The following CACNA1C variants were observed in gnomAD, a reference collection of about 807,000 sequenced individuals.
CACNA1C encodes the protein voltage-dependent L-type calcium channel subunit alpha-1C.
In CACNA1C, 30 loss-of-function variants were observed where a neutral mutation model predicts 229.0. The observed-to-expected ratio is 0.13, with a 90% confidence interval of 0.10 to 0.18. The LOEUF is 0.18. Among genes scored for constraint, CACNA1C ranks in the 10% least tolerant of loss-of-function variants. The pLI is 1.00. For synonymous variants in CACNA1C, 1,114 were observed against 1,132.5 expected (o/e 0.98, Z 0.33); for missense variants, 1,658 against 2,845.0 (o/e 0.58, Z 9.49).
At chr12:2,126,540 G>A (rs2090137199) in intron 3 of CACNA1C, among the ~76,000 whole-genome samples, 1 of 152,220 alleles carries the variant, frequency 6.6e-6, no homozygotes, top group Non-Finnish European at 1.5e-5. Context: ...TTGACCTTGT[G>A]CAAAGAACAG....
intron 3 of CACNA1C, among the ~76,000 whole-genome samples, chr12:2,317,725 C>T (rs1160793814): frequency 6.6e-6 from 1 of 152,156 alleles, no homozygotes; most frequent in Non-Finnish European, 1.5e-5. Context: ...TATCTGAATC[C>T]AGATGAACAG....
At chr12:2,080,862 G>A (rs1311516930) in intron 1 of CACNA1C, among the ~76,000 whole-genome samples, 1 of 152,050 alleles carries the variant, frequency 6.6e-6, no homozygotes, top group African/African-American at 2.4e-5. Flanking sequence ...CATATATGAA[G>A]GAGCCATTGA....
chr12:2,655,303 G>A (rs2095355407), intron 34 of CACNA1C, 65 bp downstream of exon 34: 4 of 999,070 alleles, frequency 4.0e-6, no homozygotes, highest in African/African-American at 1.6e-5. Flanking sequence ...ACTGTGGCCT[G>A]GTGGTAGAAT....
chr12:2,379,724 G>A (rs562035047), intron 3 of CACNA1C, among the ~76,000 whole-genome samples: 6 of 152,126 alleles, frequency 3.9e-5, no homozygotes, highest in Non-Finnish European at 7.4e-5. Context: ...CCATGATGCG[G>A]GACATAATAA....
intron 4 of CACNA1C, among the ~76,000 whole-genome samples, chr12:2,456,711 G>A (rs914633581): frequency 1.3e-5 from 2 of 152,142 alleles, no homozygotes; most frequent in African/African-American, 4.8e-5. Context: ...TCTCAGGTGG[G>A]AAGGAAGGCG....
chr12:2,621,470 T>C (rs2153504900), intron 29 of CACNA1C, among the ~76,000 whole-genome samples: 1 of 152,250 alleles, frequency 6.6e-6, no homozygotes, highest in East Asian at 1.9e-4. Context: ...CCCTTCAGGA[T>C]CACGGTGAGG....
At position 2,115,423 on chromosome 12, in the gene CACNA1C, G is replaced by A; in HGVS notation, c.249G>A (p.Arg83=). Residue 83 remains arginine (R), a synonymous_variant, in exon 2 of 47, where the codon CGG becomes CGA. Transcript: ENST00000399655. ...ISTVSSTQRK[R]QQYGKPKKQG... ...CAGTCAGCTCCACGCAGCGGAAGCG[G>A]CAGCAATATGGGAAACCCAAGAAGC... The A allele has an allele frequency of 6.2e-7, 1 of 1,612,792 alleles. No individual in the cohort carries two copies. The highest frequency in any genetic ancestry group is 2.2e-5 in the East Asian group (1 of 44,882).
chr12:2,549,281 C>T (rs2099891242), intron 9 of CACNA1C, among the ~76,000 whole-genome samples: 1 of 152,142 alleles, frequency 6.6e-6, no homozygotes, highest in African/African-American at 2.4e-5. Flanking sequence ...CACAATTAAA[C>T]ATAATTGTGT....
chr12:2,020,228 T>G (rs2046198430), intron 1 of CACNA1C: 1 of 152,218 alleles, frequency 6.6e-6, no homozygotes, highest in Non-Finnish European at 1.5e-5. Context: ...GTGAAGCGCT[T>G]TGCTTGTATT....
At position 2,597,898 on chromosome 12, in the gene CACNA1C, C is replaced by T. The variant is rs2153377744; in HGVS notation, c.2853+609C>T. On this transcript the variant is annotated intron_variant, in intron 21 of 46. Transcript: ENST00000399655. This position sits in a 1 kb window ranked among gnomAD's most constrained non-coding sequence, Gnocchi z 4.3. ...TCCTTCCCTCCTCCTGCTTCATACA[C>T]TCTGAAAGTGGGAAACCTCCTGGGG... Among the ~76,000 whole-genome samples, 1 of 152,356 alleles carries T rather than the reference C, an allele frequency of 6.6e-6. No homozygotes were observed. Among genetic ancestry groups the T allele is most frequent in the African/African-American group, 2.4e-5 (1 of 41,582 alleles).
intron 1 of CACNA1C, among the ~76,000 whole-genome samples, chr12:2,098,215 G>A (rs755639926): frequency 3.9e-5 from 6 of 152,180 alleles, no homozygotes; most frequent in Admixed American, 6.5e-5. Flanking sequence ...GGGGAGACTT[G>A]CATATTTTTT....
In CACNA1C at chr12:2,649,709, TA is replaced by T. The variant is rs2094736268; in HGVS notation, c.3945+1204del. On this transcript the variant is annotated intron_variant, in intron 31 of 46. Coordinates refer to ENST00000399655, the MANE Select transcript of CACNA1C (RefSeq NM_000719.7). The surrounding 1 kb of genome is among the most constrained non-coding windows in gnomAD (Gnocchi z 4.4). ...TTTTTGTTTGTTTATTTTGTTTTTT[TA>T]ACTGAGCAGATCCAGATGCCCCTGT... 2.0e-5 allele frequency among the ~76,000 whole-genome samples: 3 copies of T among 151,652 alleles called. No individual in the cohort carries two copies. The highest frequency in any genetic ancestry group is 4.1e-4 in the South Asian group (2 of 4,828).
chr12:2,176,557 G>T (rs2096650643), intron 3 of CACNA1C, among the ~76,000 whole-genome samples: 1 of 149,064 alleles, frequency 6.7e-6, no homozygotes, highest in Non-Finnish European at 1.5e-5. Context: ...GTCAGCTAGG[G>T]CCTATTGGGG....
At chr12:2,637,647 G>A (rs550897954) in intron 30 of CACNA1C, among the ~76,000 whole-genome samples, 3 of 152,356 alleles carry the variant, frequency 2.0e-5, no homozygotes, top group African/African-American at 7.2e-5. Flanking sequence ...TCTGCCTCCA[G>A]GGCATTAGCA....
intron 5 of CACNA1C, among the ~76,000 whole-genome samples, chr12:2,465,976 T>A (rs1220496724): frequency 6.6e-6 from 1 of 152,048 alleles, no homozygotes; most frequent in Non-Finnish European, 1.5e-5. Flanking sequence ...ATACGATGAA[T>A]ATTGACTTAA....
At chr12:2,217,180 C>T (rs1046478261) in intron 3 of CACNA1C, among the ~76,000 whole-genome samples, 6 of 152,080 alleles carry the variant, frequency 3.9e-5, no homozygotes, top group South Asian at 2.1e-4. Flanking sequence ...GGTATGATTC[C>T]ACTTATGTGA....
chr12:2,329,796 G>T (rs960613693), intron 3 of CACNA1C, among the ~76,000 whole-genome samples: 4 of 152,146 alleles, frequency 2.6e-5, no homozygotes, highest in African/African-American at 9.7e-5. Flanking sequence ...GGGCGGCTGT[G>T]ACTTCACTCT....
At chr12:1,983,105 A>G in intron 1 of CACNA1C, among the ~76,000 whole-genome samples, 1 of 149,430 alleles carries the variant, frequency 6.7e-6, no homozygotes, top group East Asian at 1.9e-4. Context: ...TTCATTTCTG[A>G]TACTGCTAAT....
intron 1 of CACNA1C, among the ~76,000 whole-genome samples, chr12:2,111,027 G>T (rs2081507043): frequency 1.0e-5 from 1 of 95,808 alleles, no homozygotes; most frequent in Admixed American, 1.2e-4. Flanking sequence ...TCACCTGTGT[G>T]CGGCTCTGCA....
Sources: gnomAD v4.1 joint callset for allele counts (sites outside exome capture counted in the v4.1 genomes callset) on GRCh38, gnomAD v4.1.1 for gene constraint, Gnocchi (gnomAD v3.1) non-coding constraint, MANE v1.5 for transcripts, NCBI Gene and HGNC (gene_info 2026-07-23, HGNC 2026-07-21) for gene names.